CYP3A5: variants seen among roughly 807,000 people sequenced by gnomAD.
CYP3A5 encodes cytochrome P450 3A5.
CYP3A5 carries 51 observed loss-of-function variants against 55.9 expected under a neutral mutation model. That is an observed-to-expected ratio of 0.91 (90% CI 0.73 to 1.15). CYP3A5 has a LOEUF of 1.15. CYP3A5 is among the 50% of genes most tolerant of loss of function. The pLI, the probability that CYP3A5 is intolerant of heterozygous loss-of-function variation, is 0.00. For missense variants in CYP3A5, 533 were observed against 596.6 expected (o/e 0.89, Z 1.11); for synonymous variants, 196 against 213.9 (o/e 0.92, Z 0.73).
intron 8 of CYP3A5, chr7:99,663,739 T>A: frequency 1.7e-6 from 2 of 1,188,004 alleles, no homozygotes; most frequent in Non-Finnish European, 2.1e-6. Context: ...GTTTATATCA[T>A]GACATACTAA....
chr7:99,676,882 C>G (rs1812344433), intron 1 of CYP3A5, among the ~76,000 whole-genome samples: 1 of 152,076 alleles, frequency 6.6e-6, no homozygotes, highest in African/African-American at 2.4e-5. Context: ...TCAGGTACAC[C>G]TCAGTCTCTG....
intron 4 of CYP3A5, among the ~76,000 whole-genome samples, chr7:99,669,677 A>G (rs1811385899): frequency 6.6e-6 from 1 of 152,218 alleles, no homozygotes; most frequent in Admixed American, 6.5e-5. Context: ...GATACGGCAC[A>G]ACTTGCTATT....
At chr7:99,660,214 CTTTTTT>C (rs34318418) in intron 10 of CYP3A5, 456 of 429,414 alleles carry the variant, frequency 1.1e-3, no homozygotes, top group South Asian at 1.3e-3. Context: ...CGCCACACTC[CTTTTTT>C]TTTTTTTTTT....
intron 12 of CYP3A5, among the ~76,000 whole-genome samples, chr7:99,649,549 C>A (rs965642490): frequency 6.6e-6 from 1 of 152,164 alleles, no homozygotes; most frequent in Non-Finnish European, 1.5e-5. Flanking sequence ...CTTGGCTTCA[C>A]GTGAGAACTA....
chr7:99,655,228 T>C (rs1469996441), intron 10 of CYP3A5, among the ~76,000 whole-genome samples: 1 of 152,250 alleles, frequency 6.6e-6, no homozygotes, highest in Non-Finnish European at 1.5e-5. Context: ...CATGTAAGTC[T>C]TTAATCCATC....
chr7:99,676,480 T>C, intron 1 of CYP3A5: 1 of 1,407,876 alleles, frequency 7.1e-7, no homozygotes, highest in Non-Finnish European at 9.5e-7. Flanking sequence ...TGTCCTCAAA[T>C]GCTCCTGAGA....
chr7:99,658,043 A>C (rs573172918), intron 10 of CYP3A5, among the ~76,000 whole-genome samples: 27 of 152,254 alleles, frequency 1.8e-4, no homozygotes, highest in African/African-American at 6.5e-4. Flanking sequence ...CCAGTTTGCC[A>C]GTCTGTGTCT....
intron 4 of CYP3A5, among the ~76,000 whole-genome samples, chr7:99,669,088 A>G (rs1811322798): frequency 6.6e-6 from 1 of 152,212 alleles, no homozygotes; most frequent in South Asian, 2.1e-4. Flanking sequence ...AATGCTTTTA[A>G]TTCCAGAATG....
chr7:99,665,523 GACACCAA>G (rs1453118266), intron 6 of CYP3A5, among the ~76,000 whole-genome samples: 1 of 152,204 alleles, frequency 6.6e-6, no homozygotes, highest in Non-Finnish European at 1.5e-5. Context: ...GGGTGATGGA[GACACCAA>G]GCTGAGTTAG....
Position 99,665,409 on chromosome 7 carries a change from C to T in CYP3A5, c.522-95G>A, listed in dbSNP as rs981771433. On this transcript the variant is annotated intron_variant, in intron 6 of 12. Transcript: ENST00000222982. Reference sequence around the variant, plus strand: ...GAAACCCACATATCCAGTCAAGACACATAAAGAGCCACAGACTTTCAGAAC... The same window carrying T: ...GAAACCCACATATCCAGTCAAGACATATAAAGAGCCACAGACTTTCAGAAC... The T allele has an allele frequency of 5.7e-5, 85 of 1,489,400 alleles. 2 individuals are homozygous for T. Among genetic ancestry groups the T allele is most frequent in the African/African-American group, 1.1e-4 (8 of 72,108 alleles). The allele number at this position is 1,489,400 out of a possible 1,614,324, so 92.3% of individuals were successfully genotyped here.
intron 3 of CYP3A5, 93 bp downstream of exon 3, chr7:99,674,440 C>A: frequency 1.1e-6 from 1 of 921,084 alleles, no homozygotes. Context: ...ACAAGAGCTT[C>A]ATCCCATGAA....
intron 10 of CYP3A5, among the ~76,000 whole-genome samples, chr7:99,655,550 T>G (rs894738346): frequency 5.3e-5 from 8 of 152,228 alleles, no homozygotes; most frequent in African/African-American, 1.9e-4. Context: ...TAGGATTGAC[T>G]TGGCAATGCG....
rs766420711 is a variant in CYP3A5, at chr7:99,648,411, TAAAC to T, written c.1414-15_1414-12del. The T allele has an allele frequency of 2.6e-6, 4 of 1,543,996 alleles. No individual in the cohort carries two copies. Among genetic ancestry groups the T allele is most frequent in the Admixed American group, 3.5e-5 (2 of 57,346 alleles). On this transcript the variant is annotated splice_polypyrimidine_tract_variant and intron_variant, in intron 12 of 12. Coordinates refer to ENST00000222982, the MANE Select transcript of CYP3A5 (RefSeq NM_000777.5). ...TAATTTCAAGGGGATCTACAATAGTTAAACAAGCATATGGAGAATTAATAAATGA... is the reference window on the plus strand; with the variant it reads ...TAATTTCAAGGGGATCTACAATAGTTAAGCATATGGAGAATTAATAAATGA...
rs747285817 is a variant in CYP3A5, at chr7:99,664,082, G to T, written c.684C>A (p.Phe228Leu). 1.1e-5 allele frequency: 17 copies of T among 1,588,142 alleles called. No homozygotes were observed. The highest frequency in any genetic ancestry group is 1.4e-5 in the Non-Finnish European group (17 of 1,173,760). The change falls in exon 8 of 13, where the codon TTC becomes TTA. Residue 228 changes from phenylalanine to leucine, a missense_variant. By Grantham distance (22) the Phe-to-Leu change is conservative. Coordinates refer to ENST00000222982, the MANE Select transcript of CYP3A5 (RefSeq NM_000777.5). Reference protein sequence around the residue: ...PLFLSIILFPFLTPVFEALNV... With the variant: ...PLFLSIILFPLLTPVFEALNV... The stretch of plus-strand genomic sequence containing the variant: ...TTAATGCTTCAAAAACTGGGGTAAG[G>T]AATGGAAAGAGTACTGTGGGAAAAA...
chr7:99,663,697 G>A (rs28383475), intron 8 of CYP3A5: 18,807 of 1,059,184 alleles, frequency 0.018, 174 homozygotes, highest in Non-Finnish European at 0.02. Context: ...TTATTAAAGG[G>A]AAGAGAAGTG....
chr7:99,672,927 A>T, intron 3 of CYP3A5: 1 of 1,288,780 alleles, frequency 7.8e-7, no homozygotes, highest in Non-Finnish European at 9.8e-7. Flanking sequence ...TGAAAGACAA[A>T]AGAGCTCTTT....
At chr7:99,666,563 A>C (rs766572993) in intron 6 of CYP3A5, 38 bp downstream of exon 6, 7 of 1,602,220 alleles carry the variant, frequency 4.4e-6, no homozygotes, top group Non-Finnish European at 6.0e-6. Flanking sequence ...GGAAGGGCTC[A>C]TGACAGCTCA....
At chr7:99,664,893 G>A (rs1363493071) in intron 7 of CYP3A5, among the ~76,000 whole-genome samples, 4 of 152,172 alleles carry the variant, frequency 2.6e-5, no homozygotes, top group African/African-American at 9.7e-5. Flanking sequence ...TCTATGAAGT[G>A]TCCAGAATAG....
intron 1 of CYP3A5, among the ~76,000 whole-genome samples, chr7:99,678,094 T>C (rs1325617260): frequency 1.3e-5 from 2 of 152,238 alleles, no homozygotes; most frequent in Non-Finnish European, 2.9e-5. Context: ...TGGTCTACAC[T>C]GCATTTTCTG....
Sources: gnomAD v4.1 joint callset for allele counts (sites outside exome capture counted in the v4.1 genomes callset) on GRCh38, gnomAD v4.1.1 for gene constraint, MANE v1.5 for transcripts, NCBI Gene and HGNC (gene_info 2026-07-23, HGNC 2026-07-21) for gene names.